ZMIZ1: variants seen among roughly 807,000 people sequenced by gnomAD.
ZMIZ1 encodes zinc finger MIZ domain-containing protein 1.
A neutral mutation model predicts 113.9 loss-of-function variants in ZMIZ1; 17 were observed. The observed-to-expected ratio is 0.15, with a 90% CI of 0.10 to 0.22. The LOEUF (loss-of-function observed/expected upper bound fraction) is 0.22. ZMIZ1 is among the 10% of genes least tolerant of loss of function. The pLI is 1.00. For synonymous variants in ZMIZ1, 607 were observed against 603.1 expected, an observed-to-expected ratio of 1.01 and a Z score of -0.09; for missense variants, 1,059 against 1,477.8, an observed-to-expected ratio of 0.72 and a Z score of 4.65.
chr10:79,244,252 T>C (rs923741992), intron 7 of ZMIZ1, among the ~76,000 whole-genome samples: 3 of 152,104 alleles, frequency 2.0e-5, no homozygotes, highest in Non-Finnish European at 2.9e-5. Context: ...CGAATAGACT[T>C]CTGACAAGTG....
chr10:79,234,796 T>A (rs1195215844), intron 7 of ZMIZ1, among the ~76,000 whole-genome samples: 1 of 152,202 alleles, frequency 6.6e-6, no homozygotes, highest in African/African-American at 2.4e-5. Flanking sequence ...CAGGAGTCAG[T>A]TCAATAATGA....
At chr10:79,120,867 T>C (rs1412403163) in intron 2 of ZMIZ1, among the ~76,000 whole-genome samples, 1 of 152,164 alleles carries the variant, frequency 6.6e-6, no homozygotes, top group Non-Finnish European at 1.5e-5. Context: ...ACCAAGGTGG[T>C]GGGGTCTGTG....
chr10:79,188,316 C>T (rs776127987), intron 4 of ZMIZ1, among the ~76,000 whole-genome samples: 3 of 152,136 alleles, frequency 2.0e-5, no homozygotes, highest in African/African-American at 4.8e-5. Flanking sequence ...GGGTCATCTC[C>T]GCCTCAGGCA....
intron 1 of ZMIZ1, among the ~76,000 whole-genome samples, chr10:79,093,842 C>T (rs1273214528): frequency 1.3e-5 from 2 of 152,150 alleles, no homozygotes; most frequent in African/African-American, 4.8e-5. Context: ...AGACAGTCTT[C>T]CTCTTTCTAG....
intron 2 of ZMIZ1, among the ~76,000 whole-genome samples, chr10:79,132,470 G>T (rs1344304423): frequency 1.3e-5 from 2 of 152,224 alleles, no homozygotes; most frequent in East Asian, 3.9e-4. Context: ...GCAGCAGGGA[G>T]CAGCGAGGAC....
chr10:79,190,085 G>A (rs1160521369), intron 4 of ZMIZ1, among the ~76,000 whole-genome samples: 2 of 152,232 alleles, frequency 1.3e-5, no homozygotes, highest in African/African-American at 2.4e-5. Flanking sequence ...ATAGGGAGCT[G>A]TGGGGGCTGC....
rs545545121 is a variant in ZMIZ1, at chr10:79,118,476, G to A, written c.-336-439G>A. Among the ~76,000 whole-genome samples, 1 of 152,320 alleles carries A rather than the reference G, an allele frequency of 6.6e-6. No homozygotes were observed. Among genetic ancestry groups the A allele is most frequent in the South Asian group, 2.1e-4 (1 of 4,830 alleles). On this transcript the variant is annotated intron_variant, in intron 1 of 24. Transcript: ENST00000334512. The surrounding 1 kb of genome is among the most constrained non-coding windows in gnomAD (Gnocchi z 4.1). ...CCCACTGGAGATGAACAAGCAAGGAGGGGCTGGTGAGAGAGGGCTCCACGG... is the reference window on the plus strand; with the variant it reads ...CCCACTGGAGATGAACAAGCAAGGAAGGGCTGGTGAGAGAGGGCTCCACGG...
At chr10:79,283,217 C>T (rs1852849366) in intron 8 of ZMIZ1, among the ~76,000 whole-genome samples, 1 of 152,226 alleles carries the variant, frequency 6.6e-6, no homozygotes, top group Non-Finnish European at 1.5e-5. Context: ...AGAGAGGCTT[C>T]TGGGCGGGAG....
chr10:79,085,507 A>G (rs959346627), intron 1 of ZMIZ1, among the ~76,000 whole-genome samples: 1 of 152,202 alleles, frequency 6.6e-6, no homozygotes, highest in Non-Finnish European at 1.5e-5. Context: ...CCAGACCCAG[A>G]AAGAGTGACC....
intron 4 of ZMIZ1, among the ~76,000 whole-genome samples, chr10:79,174,594 A>G (rs1846745518): frequency 6.6e-6 from 1 of 152,232 alleles, no homozygotes; most frequent in Non-Finnish European, 1.5e-5. Flanking sequence ...CTGGCAGGGA[A>G]GGGATGCTCA....
intron 7 of ZMIZ1, among the ~76,000 whole-genome samples, chr10:79,224,671 G>T (rs1849130465): frequency 6.6e-6 from 1 of 152,184 alleles, no homozygotes; most frequent in Non-Finnish European, 1.5e-5. Context: ...CACCTGATTG[G>T]GATAGGGGAT....
chr10:79,286,166 C>T (rs972635255), intron 8 of ZMIZ1, among the ~76,000 whole-genome samples: 19 of 152,214 alleles, frequency 1.2e-4, no homozygotes, highest in African/African-American at 4.6e-4. Flanking sequence ...AGCAAGTCTG[C>T]AGGTTAAACT....
chr10:79,299,979 C>T (rs1441072872), intron 16 of ZMIZ1, among the ~76,000 whole-genome samples: 2 of 150,496 alleles, frequency 1.3e-5, no homozygotes, highest in African/African-American at 5.0e-5. Context: ...GCATCTCCAG[C>T]GCAAGAGCTG....
chr10:79,157,539 C>T (rs1340182081), intron 3 of ZMIZ1, among the ~76,000 whole-genome samples: 1 of 152,032 alleles, frequency 6.6e-6, no homozygotes, highest in Non-Finnish European at 1.5e-5. Context: ...CGGCCAATGT[C>T]CAGCTCAATG....
chr10:79,243,076 C>T lies in ZMIZ1; in HGVS notation c.280+26802C>T, dbSNP rs1589472189. 2.0e-5 allele frequency among the ~76,000 whole-genome samples: 3 copies of T among 151,500 alleles called. No homozygotes were observed. In the South Asian group the frequency reaches 6.2e-4, roughly 31 times the overall value. On this transcript the variant is annotated intron_variant, in intron 7 of 24. Transcript: ENST00000334512. Reference sequence around the variant, plus strand: ...CCCTGGAGACGCCAAGGCAGGTCTGCTCGCCTTTCATCTTCCTCCCGCGCT... The same window carrying T: ...CCCTGGAGACGCCAAGGCAGGTCTGTTCGCCTTTCATCTTCCTCCCGCGCT...
chr10:79,077,642 C>T (rs996533279), intron 1 of ZMIZ1, among the ~76,000 whole-genome samples: 8 of 152,240 alleles, frequency 5.3e-5, no homozygotes, highest in Non-Finnish European at 1.2e-4. Flanking sequence ...GTGTTTCATG[C>T]TTTTCCCAGA....
chr10:79,213,010 AGG>A (rs1848584497), intron 6 of ZMIZ1, among the ~76,000 whole-genome samples: 1 of 152,136 alleles, frequency 6.6e-6, no homozygotes, highest in African/African-American at 2.4e-5. Flanking sequence ...TCTGGCAGCC[AGG>A]ATGACAGGGC....
At chr10:79,111,528 AG>A (rs1843738573) in intron 1 of ZMIZ1, among the ~76,000 whole-genome samples, 1 of 152,148 alleles carries the variant, frequency 6.6e-6, no homozygotes, top group Admixed American at 6.5e-5. Context: ...GCAGATGGCC[AG>A]GGGGTGTGGG....
chr10:79,249,854 G>A (rs1369673357), intron 7 of ZMIZ1, among the ~76,000 whole-genome samples: 7 of 152,084 alleles, frequency 4.6e-5, no homozygotes, highest in Admixed American at 1.3e-4. Flanking sequence ...CCAACTACCC[G>A]GGGCTCTTAA....
Sources: allele counts gnomAD v4.1 joint callset (sites outside exome capture counted in the v4.1 genomes callset), GRCh38; gene constraint gnomAD v4.1.1; non-coding constraint Gnocchi (gnomAD v3.1); transcripts MANE v1.5; gene names NCBI Gene and HGNC (gene_info 2026-07-23, HGNC 2026-07-21).